Variants in TNS3 observed in about 807,000 individuals in gnomAD.
The protein encoded by TNS3 is tensin 3.
A neutral mutation model predicts 140.9 loss-of-function variants in TNS3; 45 were observed. The ratio of observed to expected loss-of-function variants is 0.32; its 90% CI spans 0.25 to 0.41. The LOEUF (loss-of-function observed/expected upper bound fraction) is 0.41. TNS3 is among the 10% of genes least tolerant of loss of function. TNS3 has a pLI of 1.00. For synonymous variants in TNS3, 815 were observed against 788.4 expected (o/e 1.03, Z -0.56); for missense variants, 1,716 against 1,906.7 (o/e 0.90, Z 1.86).
At position 47,275,629 on chromosome 7, in the gene TNS3, C is replaced by G. The variant is rs190043864; in HGVS notation, c.*2447G>C. 2.8e-6 allele frequency: 1 copy of G among 358,654 alleles called. No homozygotes were observed. The allele number at this position is 358,654 out of a possible 1,614,324, so 22.2% of individuals were successfully genotyped here. ...AATCTGTGATGACACACAGCTTGTT[C>G]TGTTTAATGCACATGTAACACAAAA... On this transcript the variant is annotated 3_prime_UTR_variant, in exon 31 of 31. Coordinates refer to ENST00000311160, the MANE Select transcript of TNS3 (RefSeq NM_022748.12).
At chr7:47,567,030 CAAAAAAAAAA>C (rs541987899) in intron 1 of TNS3, among the ~76,000 whole-genome samples, 1 of 98,756 alleles carries the variant, frequency 1.0e-5, no homozygotes. Context: ...GACTCCATCT[CAAAAAAAAAA>C]AAAAAAAAAA....
At chr7:47,399,080 GAAAAAAAAA>G (rs55834937) in intron 15 of TNS3, among the ~76,000 whole-genome samples, 1 of 93,604 alleles carries the variant, frequency 1.1e-5, no homozygotes, top group Non-Finnish European at 2.0e-5. Context: ...TACGACAGCT[GAAAAAAAAA>G]AAAAAAAAAA....
intron 17 of TNS3, among the ~76,000 whole-genome samples, chr7:47,357,921 A>G (rs1790086933): frequency 6.6e-6 from 1 of 152,222 alleles, no homozygotes; most frequent in Non-Finnish European, 1.5e-5. Context: ...AATGCCAGCA[A>G]TACCCCATGT....
intron 10 of TNS3, among the ~76,000 whole-genome samples, chr7:47,421,278 G>A (rs563867878): frequency 1.3e-4 from 20 of 152,230 alleles, no homozygotes; most frequent in East Asian, 7.7e-4. Context: ...TTTTTGGGGC[G>A]TTAGGAGGAG....
intron 17 of TNS3, among the ~76,000 whole-genome samples, chr7:47,363,892 A>G (rs138551224): frequency 1.2e-3 from 176 of 152,274 alleles, no homozygotes; most frequent in Middle Eastern, 3.4e-3. Context: ...CTATTCACAC[A>G]TGGATCTAAG....
intron 20 of TNS3, among the ~76,000 whole-genome samples, chr7:47,320,010 C>T (rs1787638964): frequency 6.6e-6 from 1 of 152,222 alleles, no homozygotes; most frequent in South Asian, 2.1e-4. Context: ...TTCACTTAAA[C>T]CCTTCACTCA....
chr7:47,498,739 C>A (rs1798105966), intron 3 of TNS3, among the ~76,000 whole-genome samples: 1 of 152,228 alleles, frequency 6.6e-6, no homozygotes, highest in South Asian at 2.1e-4. Context: ...TCACTCATAA[C>A]CAGACAGCCA....
chr7:47,293,625 T>C, intron 25 of TNS3, 108 bp downstream of exon 25: 1 of 912,390 alleles, frequency 1.1e-6, no homozygotes, highest in Admixed American at 2.0e-5. Context: ...GACTGAAATA[T>C]GAGTAAACCA....
At chr7:47,437,737 A>G (rs1364723411) in intron 6 of TNS3, among the ~76,000 whole-genome samples, 1 of 136,546 alleles carries the variant, frequency 7.3e-6, no homozygotes, top group Non-Finnish European at 1.6e-5. Context: ...ATATCCCAAC[A>G]TATAGGATAC....
At position 47,278,239 on chromosome 7, in the gene TNS3, G is replaced by A. The variant is rs1449238364; in HGVS notation, c.4194-19C>T. On this transcript the variant is annotated intron_variant, in intron 30 of 30. Coordinates refer to ENST00000311160, the MANE Select transcript of TNS3 (RefSeq NM_022748.12). ...AAAGACTCTGCCAAAGGAAAGTCCAGTCAGAGTGGTCAGTGTCCCACAAAG... is the reference window on the plus strand; with the variant it reads ...AAAGACTCTGCCAAAGGAAAGTCCAATCAGAGTGGTCAGTGTCCCACAAAG... 6.2e-7 allele frequency: 1 copy of A among 1,609,748 alleles called. No homozygotes were observed. Among genetic ancestry groups the A allele is most frequent in the South Asian group, 1.1e-5 (1 of 90,196 alleles).
intron 1 of TNS3, among the ~76,000 whole-genome samples, chr7:47,555,625 C>T (rs1361696447): frequency 6.6e-6 from 1 of 152,204 alleles, no homozygotes; most frequent in East Asian, 1.9e-4. Context: ...GCCACCCCAA[C>T]CTTCAGTAGC....
chr7:47,530,157 T>C (rs1799339376), intron 1 of TNS3, among the ~76,000 whole-genome samples: 1 of 152,172 alleles, frequency 6.6e-6, no homozygotes, highest in Non-Finnish European at 1.5e-5. Flanking sequence ...CTATTCTATA[T>C]GCTAGAAAGT....
intron 13 of TNS3, among the ~76,000 whole-genome samples, chr7:47,410,261 T>G (rs916364681): frequency 6.6e-6 from 1 of 152,142 alleles, no homozygotes; most frequent in Non-Finnish European, 1.5e-5. Flanking sequence ...AGGACAGACT[T>G]CCAGCCCAGG....
intron 15 of TNS3, among the ~76,000 whole-genome samples, chr7:47,399,524 C>T (rs1286037250): frequency 1.3e-5 from 2 of 152,140 alleles, no homozygotes; most frequent in African/African-American, 4.8e-5. Flanking sequence ...ATACAACTGA[C>T]TACAACTGAT....
At position 47,346,322 on chromosome 7, in the gene TNS3, G is replaced by A; in HGVS notation, c.2316C>T (p.Leu772=). 2 of 1,614,212 alleles carry A rather than the reference G, an allele frequency of 1.2e-6. No homozygotes were observed. Among genetic ancestry groups the A allele is most frequent in the Non-Finnish European group, 1.7e-6 (2 of 1,180,030 alleles). Residue 772 remains leucine (L), a synonymous_variant, in exon 18 of 31, where the codon CTC becomes CTT. Transcript: ENST00000311160. ...CGTACTGCCCCAGGCTCAGCTTCCT[G>A]AGTCTCCCGCCCAGGGGCTGTTCAG... ...SSAEQPLGGR[L]RKLSLGQYDN...
At chr7:47,280,859 G>A (rs1473629013) in intron 28 of TNS3, among the ~76,000 whole-genome samples, 9 of 152,068 alleles carry the variant, frequency 5.9e-5, no homozygotes, top group Non-Finnish European at 1.3e-4. Flanking sequence ...GTTGCAGTGG[G>A]CTGAGATCGC....
chr7:47,511,292 C>T (rs1189248344), intron 2 of TNS3, among the ~76,000 whole-genome samples: 9 of 152,112 alleles, frequency 5.9e-5, no homozygotes, highest in Non-Finnish European at 1.2e-4. Flanking sequence ...TTGTCTTTGA[C>T]GCTTCAAACC....
At chr7:47,574,921 T>C (rs1003521138) in intron 1 of TNS3, among the ~76,000 whole-genome samples, 6 of 151,830 alleles carry the variant, frequency 4.0e-5, no homozygotes, top group African/African-American at 1.5e-4. Flanking sequence ...ATGGAAAGAG[T>C]TCTGGAGCTG....
intron 20 of TNS3, among the ~76,000 whole-genome samples, chr7:47,316,055 C>G (rs1787375142): frequency 6.7e-6 from 1 of 149,896 alleles, no homozygotes; most frequent in Non-Finnish European, 1.5e-5. Context: ...TCACAATAAA[C>G]TTTCAGAAGT....
Sources: gnomAD v4.1 joint callset for allele counts (sites outside exome capture counted in the v4.1 genomes callset) on GRCh38, gnomAD v4.1.1 for gene constraint, MANE v1.5 for transcripts, NCBI Gene and HGNC (gene_info 2026-07-23, HGNC 2026-07-21) for gene names.